Variants in PIKFYVE observed in about 807,000 individuals in gnomAD.
The protein encoded by PIKFYVE is 1-phosphatidylinositol 3-phosphate 5-kinase.
A neutral mutation model predicts 257.9 loss-of-function variants in PIKFYVE; 122 were observed. The observed-to-expected ratio is 0.47, with a 90% CI of 0.41 to 0.55. The LOEUF is 0.55. Ranked by LOEUF, PIKFYVE falls within the 20% of genes least tolerant of loss-of-function variation. The pLI is 0.00. For synonymous variants in PIKFYVE, 892 were observed against 868.9 expected (o/e 1.03, Z -0.47); for missense variants, 2,160 against 2,536.6 (o/e 0.85, Z 3.19).
intron 15 of PIKFYVE, among the ~76,000 whole-genome samples, chr2:208,317,270 C>T (rs1179063554): frequency 6.6e-6 from 1 of 151,892 alleles, no homozygotes; most frequent in Non-Finnish European, 1.5e-5. Context: ...CTACAATGAA[C>T]TCAAACAAAT....
chr2:208,287,606 A>G (rs957921244), intron 6 of PIKFYVE, among the ~76,000 whole-genome samples: 3 of 150,314 alleles, frequency 2.0e-5, no homozygotes, highest in Admixed American at 6.6e-5. Context: ...GTTTTTATTT[A>G]TTTATTTATT....
At chr2:208,351,577 A>G (rs758769852) in intron 38 of PIKFYVE, 122 bp downstream of exon 38, 121 of 887,132 alleles carry the variant, frequency 1.4e-4, no homozygotes, top group Non-Finnish European at 2.2e-4. Flanking sequence ...TAATTTGTAA[A>G]GAAAAGAGGT....
At chr2:208,333,585 ATTTG>A in intron 24 of PIKFYVE, 92 bp downstream of exon 24, 1 of 1,348,356 alleles carries the variant, frequency 7.4e-7, no homozygotes. Flanking sequence ...GATTGAATTA[ATTTG>A]TGGGATTCCC....
intron 5 of PIKFYVE, among the ~76,000 whole-genome samples, 157 bp downstream of exon 5, chr2:208,277,865 C>A (rs1170775923): frequency 1.3e-5 from 2 of 152,036 alleles, no homozygotes; most frequent in African/African-American, 4.8e-5. Flanking sequence ...TAAGAACTTT[C>A]CTATTGAATA....
chr2:208,298,430 C>A (rs1559077772), intron 7 of PIKFYVE, among the ~76,000 whole-genome samples: 1 of 149,000 alleles, frequency 6.7e-6, no homozygotes. Context: ...TATAGACTTA[C>A]ATAGGGTTGC....
intron 5 of PIKFYVE, among the ~76,000 whole-genome samples, chr2:208,284,934 T>C (rs556234014): frequency 6.6e-6 from 1 of 151,110 alleles, no homozygotes; most frequent in Non-Finnish European, 1.5e-5. Flanking sequence ...GCAGTCCTTC[T>C]GCCTTGGCCC....
At chr2:208,335,080 A>G (rs926231299) in intron 24 of PIKFYVE, among the ~76,000 whole-genome samples, 3 of 152,176 alleles carry the variant, frequency 2.0e-5, no homozygotes, top group Non-Finnish European at 4.4e-5. Context: ...CAAGGGATAA[A>G]TGATGGTACT....
At chr2:208,272,697 C>T (rs1289286245) in intron 2 of PIKFYVE, among the ~76,000 whole-genome samples, 1 of 151,922 alleles carries the variant, frequency 6.6e-6, no homozygotes, top group Non-Finnish European at 1.5e-5. Flanking sequence ...TGTTAATTAA[C>T]TCAGTAGAAC....
At chr2:208,279,555 C>A (rs1231358182) in intron 5 of PIKFYVE, among the ~76,000 whole-genome samples, 1 of 152,140 alleles carries the variant, frequency 6.6e-6, no homozygotes, top group African/African-American at 2.4e-5. Flanking sequence ...AATCTTTAAT[C>A]CATCTTGAAT....
intron 13 of PIKFYVE, among the ~76,000 whole-genome samples, chr2:208,312,906 C>T (rs546737505): frequency 1.5e-4 from 23 of 152,300 alleles, no homozygotes; most frequent in African/African-American, 4.3e-4. Context: ...TTGGCTCCCA[C>T]GGTTTCAGAT....
chr2:208,323,234 A>G (rs1260956053), intron 17 of PIKFYVE, among the ~76,000 whole-genome samples: 4 of 147,470 alleles, frequency 2.7e-5, no homozygotes, highest in African/African-American at 1.0e-4. Flanking sequence ...AGCATTAGGT[A>G]TATCTCCTAA....
At chr2:208,350,627 T>C in intron 36 of PIKFYVE, 144 bp from the exon 37 acceptor site, 1 of 807,704 alleles carries the variant, frequency 1.2e-6, no homozygotes, top group Non-Finnish European at 2.0e-6. Flanking sequence ...TTGTGATAAA[T>C]AGGGATTTGG....
At chr2:208,269,949 G>T in intron 1 of PIKFYVE, 3 of 237,290 alleles carry the variant, frequency 1.3e-5, no homozygotes, top group East Asian at 1.1e-4. Context: ...GAATATCCTT[G>T]GGAGGCATGA....
At position 208,288,805 on chromosome 2, in the gene PIKFYVE, C is replaced by T. The variant is rs1325487115; in HGVS notation, c.898C>T (p.Pro300Ser). 6.2e-7 allele frequency: 1 copy of T among 1,613,998 alleles called. No homozygotes were observed. The highest frequency in any genetic ancestry group is 8.5e-7 in the Non-Finnish European group (1 of 1,179,958). ...TGTGCAAGAGGATGCTGGGAAATCT[C>T]CTGCTCGAAATAGGTAAACTGACAA... ...VSVQEDAGKS[P>S]ARNRSASITN... is the part of the protein sequence containing the mutation. The change falls in exon 7 of 42, where the codon CCT becomes TCT. Residue 300 changes from proline (P) to serine (S), a missense_variant. Physicochemically the swap from Pro to Ser is moderately conservative, Grantham distance 74 (BLOSUM62 -1). Coordinates refer to ENST00000264380, the MANE Select transcript of PIKFYVE (RefSeq NM_015040.4).
At chr2:208,349,947 C>T in intron 35 of PIKFYVE, 77 bp from the exon 36 acceptor site, 1 of 1,570,994 alleles carries the variant, frequency 6.4e-7, no homozygotes, top group Non-Finnish European at 8.6e-7. Flanking sequence ...TTTGTTACAT[C>T]AAGGAAAAAG....
intron 35 of PIKFYVE, 79 bp downstream of exon 35, chr2:208,348,102 A>C: frequency 6.5e-7 from 1 of 1,533,290 alleles, no homozygotes. Flanking sequence ...TTATAGCCTT[A>C]AATAGATAAT....
intron 39 of PIKFYVE, 78 bp from the exon 40 acceptor site, chr2:208,353,820 G>C: frequency 1.3e-6 from 2 of 1,533,864 alleles, no homozygotes; most frequent in South Asian, 2.3e-5. Flanking sequence ...GAGTCTTTCT[G>C]CCTTTTTTAT....
intron 12 of PIKFYVE, 196 bp downstream of exon 12, chr2:208,305,209 T>A: frequency 6.8e-7 from 1 of 1,476,050 alleles, no homozygotes; most frequent in Non-Finnish European, 9.0e-7. Context: ...TATTTCTTGT[T>A]TTCTCCCTCA....
chr2:208,275,272 T>A (rs1385019921), intron 3 of PIKFYVE, among the ~76,000 whole-genome samples: 2 of 152,262 alleles, frequency 1.3e-5, no homozygotes. Flanking sequence ...GTTTCTTTCA[T>A]CTTCAGCCAA....
Sources: allele counts gnomAD v4.1 joint callset (sites outside exome capture counted in the v4.1 genomes callset), GRCh38; gene constraint gnomAD v4.1.1; transcripts MANE v1.5; gene names NCBI Gene and HGNC (gene_info 2026-07-23, HGNC 2026-07-21).